The following TRPV1 variants were observed in gnomAD, a reference collection of about 807,000 sequenced individuals.
The protein encoded by TRPV1 is OTRPC1.
TRPV1 carries 82 observed loss-of-function variants against 82.3 expected under a neutral mutation model. The observed-to-expected ratio is 1.00, with a 90% CI of 0.83 to 1.20. The LOEUF is 1.20. TRPV1 is among the 50% of genes most tolerant of loss of function. The probability of loss-of-function intolerance (pLI) is 0.00; values close to 1 mark genes in which losing one functional copy is unlikely to be tolerated. For missense variants in TRPV1, 1,067 were observed against 1,096.8 expected (o/e 0.97, Z 0.38); for synonymous variants, 515 against 467.7 (o/e 1.10, Z -1.30).
At chr17:3,608,307 A>G (rs1172478703) in intron 2 of TRPV1, 120 bp downstream of exon 2, 2 of 151,726 alleles carry the variant, frequency 1.3e-5, no homozygotes, top group African/African-American at 2.4e-5. Flanking sequence ...TTTTCTTCCC[A>G]TCTTTTCACT....
At chr17:3,576,914 C>T (rs569786112) in intron 13 of TRPV1, among the ~76,000 whole-genome samples, 1 of 150,624 alleles carries the variant, frequency 6.6e-6, no homozygotes, top group African/African-American at 2.4e-5. Flanking sequence ...GCAGCCACAG[C>T]ACTTCCAGCC....
intron 13 of TRPV1, 148 bp from the exon 14 acceptor site, chr17:3,574,103 T>G: frequency 1.5e-6 from 1 of 675,436 alleles, no homozygotes; most frequent in Non-Finnish European, 2.4e-6. Flanking sequence ...TCAAAAAAAT[T>G]TTCATAGTAT....
chr17:3,577,104 C>A, intron 13 of TRPV1, 22 bp downstream of exon 13: 1 of 1,571,484 alleles, frequency 6.4e-7, no homozygotes, highest in South Asian at 1.2e-5. Context: ...TGCCCTCCCC[C>A]AGCGCTGACC....
Position 3,591,319 on chromosome 17 carries a change from C to T in TRPV1, c.319G>A (p.Glu107Lys), listed in dbSNP as rs377499958. 100 of 1,598,488 alleles carry T rather than the reference C, an allele frequency of 6.3e-5. No individual in the cohort carries two copies. Among genetic ancestry groups the T allele is most frequent in the Non-Finnish European group, 7.3e-5 (86 of 1,174,048 alleles). Reference sequence around the variant, plus strand: ...CGATCATAGAGCCTGAGGGTCTTCTCGGTGCTGGCGGCGACAGAGTCCTGG... The same window carrying T: ...CGATCATAGAGCCTGAGGGTCTTCTTGGTGCTGGCGGCGACAGAGTCCTGG... ...LSQDSVAAST[E>K]KTLRLYDRRS... Residue 107 changes from glutamate to lysine, a missense_variant, in exon 4 of 17, where the codon GAG becomes AAG. Coordinates refer to ENST00000572705, the MANE Select transcript of TRPV1 (RefSeq NM_080704.4).
At chr17:3,584,883 G>A (rs1038496750) in intron 9 of TRPV1, among the ~76,000 whole-genome samples, 6 of 152,228 alleles carry the variant, frequency 3.9e-5, no homozygotes, top group African/African-American at 1.4e-4. Context: ...TATCAGACAC[G>A]AAGGACTAAG....
chr17:3,599,485 T>A (rs1227821821), intron 2 of TRPV1, among the ~76,000 whole-genome samples: 1 of 152,104 alleles, frequency 6.6e-6, no homozygotes, highest in Non-Finnish European at 1.5e-5. Flanking sequence ...CCTGTCTTTA[T>A]GAATTTAACT....
intron 2 of TRPV1, among the ~76,000 whole-genome samples, chr17:3,594,162 G>A (rs1286659559): frequency 1.8e-4 from 21 of 117,448 alleles, no homozygotes; most frequent in African/African-American, 1.3e-3. Context: ...AGAAGCAGCA[G>A]CAGCAGCAGC....
Position 3,573,699 on chromosome 17 carries a change from G to C in TRPV1, c.2037C>G (p.Leu679=). 1 of 1,614,112 alleles carries C rather than the reference G, an allele frequency of 6.2e-7. No homozygotes were observed. The highest frequency in any genetic ancestry group is 1.3e-5 in the African/African-American group (1 of 75,028). ...TGACAGTCTCACCCATGAGGGCGAT[G>C]AGCATGTTGAGCAGGAGGATGTAGG... The part of the protein sequence containing the change: ...ILTYILLLNM[L]IALMGETVNK... The change falls in exon 14 of 17, where the codon CTC becomes CTG. Residue 679 remains leucine (L), a synonymous_variant. Transcript: ENST00000572705.
intron 13 of TRPV1, 69 bp downstream of exon 13, chr17:3,577,057 G>A: frequency 6.7e-7 from 1 of 1,499,868 alleles, no homozygotes; most frequent in East Asian, 2.5e-5. Context: ...TTCAGCTCCT[G>A]GCAGAGTCTT....
In TRPV1 at chr17:3,573,975, C is replaced by A. The variant is rs200361571; in HGVS notation, c.1781-20G>T. The A allele has an allele frequency of 8.9e-6, 14 of 1,565,276 alleles. No individual in the cohort carries two copies. The African/African-American group carries it at 1.1e-4, about 12-fold the overall frequency. On this transcript the variant is annotated intron_variant, in intron 13 of 16. Transcript: ENST00000572705. ...CCACCGCTACAGGGCACAGGGAGGGCGGGGTGCCACTGGATAGAAGCCAAT... is the reference window on the plus strand; with the variant it reads ...CCACCGCTACAGGGCACAGGGAGGGAGGGGTGCCACTGGATAGAAGCCAAT...
chr17:3,591,024 G>A lies in TRPV1; in HGVS notation c.544C>T (p.Arg182Trp), dbSNP rs1340972739. 9.3e-6 allele frequency: 15 copies of A among 1,611,888 alleles called. No homozygotes were observed. The highest frequency in any genetic ancestry group is 1.3e-5 in the African/African-American group (1 of 74,898). The change falls in exon 5 of 17, where the codon CGG becomes TGG. Residue 182 changes from arginine to tryptophan, a missense_variant. Coordinates refer to ENST00000572705, the MANE Select transcript of TRPV1 (RefSeq NM_080704.4). ...TTIPLLLEIA[R>W]QTDSLKELVN... ...AGCTCCTTCAGGCTGTCCGTTTGCC[G>A]CGCGATCTCCAGGAGCAGGGGGATG...
intron 16 of TRPV1, among the ~76,000 whole-genome samples, chr17:3,567,652 G>C (rs2074786420): frequency 6.6e-6 from 1 of 151,880 alleles, no homozygotes; most frequent in Non-Finnish European, 1.5e-5. Context: ...GCAACGCCGA[G>C]GCCTGTCCTG....
intron 16 of TRPV1, among the ~76,000 whole-genome samples, chr17:3,567,256 G>C (rs1330753804): frequency 6.7e-6 from 1 of 150,068 alleles, no homozygotes; most frequent in Non-Finnish European, 1.5e-5. Context: ...TGTAACCCCA[G>C]TACTTGGGAG....
At chr17:3,599,247 A>C (rs987604306) in intron 2 of TRPV1, among the ~76,000 whole-genome samples, 1 of 151,996 alleles carries the variant, frequency 6.6e-6, no homozygotes, top group East Asian at 1.9e-4. Context: ...CTCAAAATAT[A>C]TATTTATATA....
At chr17:3,581,557 G>A (rs1298168597) in intron 10 of TRPV1, among the ~76,000 whole-genome samples, 11 of 152,124 alleles carry the variant, frequency 7.2e-5, no homozygotes. Flanking sequence ...AAAAAAACTG[G>A]ATAGAGCTTA....
chr17:3,584,520 G>A (rs948626237), intron 9 of TRPV1, among the ~76,000 whole-genome samples: 2 of 152,014 alleles, frequency 1.3e-5, no homozygotes, highest in Admixed American at 1.3e-4. Flanking sequence ...TGTGCAGCCG[G>A]GCACGGTGGC....
At chr17:3,608,970 C>A (rs2075318708) in intron 1 of TRPV1, 1 of 152,432 alleles carries the variant, frequency 6.6e-6, no homozygotes, top group Admixed American at 6.5e-5. Context: ...CAGCTCACTG[C>A]AACCTCTGCC....
chr17:3,607,135 G>A (rs2075300799), intron 2 of TRPV1, among the ~76,000 whole-genome samples: 4 of 152,106 alleles, frequency 2.6e-5, no homozygotes, highest in Admixed American at 2.6e-4. Flanking sequence ...ATCACCTGAG[G>A]TCAGGAGTTC....
chr17:3,575,666 A>G (rs990121237), intron 13 of TRPV1, among the ~76,000 whole-genome samples: 3 of 152,150 alleles, frequency 2.0e-5, no homozygotes, highest in African/African-American at 7.2e-5. Context: ...TTTACAGTGG[A>G]AAAGTCTGGC....
Sources: allele counts gnomAD v4.1 joint callset (sites outside exome capture counted in the v4.1 genomes callset), GRCh38; gene constraint gnomAD v4.1.1; transcripts MANE v1.5; gene names NCBI Gene and HGNC (gene_info 2026-07-23, HGNC 2026-07-21).